The following FGF13 variants were observed in gnomAD, a reference collection of about 807,000 sequenced individuals.
FGF13 encodes the protein fibroblast growth factor 13, also known as fibroblast growth factor homologous factor 2.
FGF13 carries 2 observed loss-of-function variants against 19.5 expected under a neutral mutation model. The observed-to-expected ratio is 0.10, with a 90% CI of 0.04 to 0.32. FGF13 has a LOEUF of 0.32. FGF13 is among the 10% of genes least tolerant of loss of function. The probability of loss-of-function intolerance (pLI) is 1.00; values close to 1 mark genes in which losing one functional copy is unlikely to be tolerated. For synonymous variants in FGF13, 72 were observed against 76.9 expected (o/e 0.94, Z 0.33); for missense variants, 113 against 192.7 (o/e 0.59, Z 2.45).
chrX:138,954,379 G>A (rs2091830873), intron 1 of FGF13, among the ~76,000 whole-genome samples: 1 of 111,504 alleles, frequency 9.0e-6, no homozygotes. Flanking sequence ...AGTGATTCAA[G>A]TTGCATTTTT....
At chrX:139,016,006 T>G (rs1409750536) in intron 1 of FGF13, among the ~76,000 whole-genome samples, 1 of 111,503 alleles carries the variant, frequency 9.0e-6, no homozygotes, top group Non-Finnish European at 1.9e-5. Flanking sequence ...GATATCCATA[T>G]GCAAAAGAAT....
Position 138,708,812 on chromosome X carries a change from A to C in FGF13, c.298+6T>G. 8.7e-7 allele frequency: 1 copy of C among 1,144,434 alleles called. No homozygotes were observed. The highest frequency in any genetic ancestry group is 1.2e-6 in the Non-Finnish European group (1 of 836,924). The allele number at this position is 1,144,434 out of a possible 1,213,427, so 94.3% of individuals were successfully genotyped here. A position where few individuals can be genotyped will look rare whatever the true frequency, so the allele number is the denominator to read the frequency against. On this transcript the variant is annotated splice_donor_region_variant and intron_variant, in intron 2 of 4. Coordinates refer to ENST00000315930, the MANE Select transcript of FGF13 (RefSeq NM_004114.5). ...GGCATATACTATTTATTTTGCAGTC[A>C]CTTACTGTAAGTGCTGTCCTCATCT...
At chrX:139,038,699 T>G (rs958241313) in intron 1 of FGF13, among the ~76,000 whole-genome samples, 5 of 111,806 alleles carry the variant, frequency 4.5e-5, no homozygotes, top group African/African-American at 1.3e-4. Flanking sequence ...CGAAGTCCTC[T>G]CTTCTGATTT....
chrX:139,100,021 T>A (rs1603200195), intron 1 of FGF13, among the ~76,000 whole-genome samples: 1 of 91,468 alleles, frequency 1.1e-5, no homozygotes, highest in South Asian at 5.5e-4. Context: ...GGGTCATCCT[T>A]CCCATTACTG....
At chrX:138,856,095 A>T (rs2091256265), downstream of FGF13, among the ~76,000 whole-genome samples, 2 of 111,069 alleles carry the variant, frequency 1.8e-5, no homozygotes, top group Admixed American at 1.9e-4. Context: ...TAAAGTACAA[A>T]ATAAAGTTAG....
intron 3 of FGF13, chrX:138,667,738 C>A (rs767961295): frequency 1.1e-5 from 4 of 368,572 alleles, no homozygotes; most frequent in South Asian, 9.9e-5. Flanking sequence ...CCCTGCCCTG[C>A]ACTCCCTTCA....
rs143634455 is a variant in FGF13 at position 138,643,388 on chromosome X, C to T, written c.403-7733G>A. Among the ~76,000 whole-genome samples the T allele has an allele frequency of 4.6e-3, 517 of 112,052 alleles. 3 individuals are homozygous for T. The South Asian group carries it at 0.052, about 11-fold the overall frequency. ...AGAGGCTAAGATGGGTTATTTTTGT[C>T]GTGATACAAAAATTACATGATCCAA... On this transcript the variant is annotated intron_variant, in intron 3 of 4. Transcript: ENST00000315930.
At chrX:138,959,431 T>C (rs1180771956) in intron 1 of FGF13, among the ~76,000 whole-genome samples, 3 of 112,046 alleles carry the variant, frequency 2.7e-5, no homozygotes, top group Non-Finnish European at 3.8e-5. Flanking sequence ...GAGGAGTGCT[T>C]TACTTCTAAC....
intron 3 of FGF13, among the ~76,000 whole-genome samples, chrX:138,762,582 T>C (rs191919150): frequency 8.0e-4 from 89 of 111,536 alleles, no homozygotes; most frequent in Middle Eastern, 4.7e-3. Flanking sequence ...GGAGGAAGCA[T>C]AGTGTTAGAG....
Position 139,065,220 on chromosome X carries a change from T to C in FGF13, c.-113+138196A>G, listed in dbSNP as rs148842561. ...AAAACATACCAAACTGTAAAGATCA[T>C]TGACACTATGAAGAAACTACATCAA... On this transcript the variant is annotated intron_variant, in intron 1 of 2. Coordinates refer to the FGF13 transcript ENST00000421460. 5.8e-3 allele frequency among the ~76,000 whole-genome samples: 645 copies of C among 111,140 alleles called. 5 individuals carry two copies. Among genetic ancestry groups the C allele is most frequent in the African/African-American group, 0.02 (609 of 30,603 alleles).
chrX:139,111,687 G>A (rs778461451), intron 1 of FGF13, among the ~76,000 whole-genome samples: 1 of 111,419 alleles, frequency 9.0e-6, no homozygotes, highest in Non-Finnish European at 1.9e-5. Flanking sequence ...AAAAACACAC[G>A]CTGCTGCTTC....
At chrX:138,634,947 G>A (rs2089165953) in intron 4 of FGF13, among the ~76,000 whole-genome samples, 1 of 112,212 alleles carries the variant, frequency 8.9e-6, no homozygotes, top group Non-Finnish European at 1.9e-5. Context: ...GCACAGGTAT[G>A]TTTATAGCAG....
At chrX:139,032,249 C>T (rs146628672) in intron 1 of FGF13, among the ~76,000 whole-genome samples, 149 of 111,925 alleles carry the variant, frequency 1.3e-3, no homozygotes, top group African/African-American at 4.0e-3. Context: ...CAGATTAAAG[C>T]GGAACTTCTT....
chrX:139,011,390 G>T (rs1184870905), intron 1 of FGF13, among the ~76,000 whole-genome samples: 1 of 100,230 alleles, frequency 1.0e-5, no homozygotes, highest in Non-Finnish European at 2.0e-5. Flanking sequence ...AGAAGAAGAA[G>T]AAAACTACAG....
intron 3 of FGF13, among the ~76,000 whole-genome samples, chrX:138,702,077 G>C (rs1463555240): frequency 5.4e-5 from 6 of 111,637 alleles, no homozygotes; most frequent in Non-Finnish European, 1.1e-4. Flanking sequence ...GAGACCAGGA[G>C]TTCGAGACTA....
At chrX:138,693,856 A>C (rs2089863881) in intron 3 of FGF13, among the ~76,000 whole-genome samples, 1 of 111,628 alleles carries the variant, frequency 9.0e-6, no homozygotes, top group South Asian at 3.7e-4. Context: ...TCCTTCAATA[A>C]TTGAGTCCAT....
intron 3 of FGF13, among the ~76,000 whole-genome samples, chrX:138,837,461 C>T (rs1264403591): frequency 1.8e-5 from 2 of 111,645 alleles, no homozygotes; most frequent in Non-Finnish European, 3.8e-5. Context: ...ACCACATTTT[C>T]GTGGGTCTAC....
chrX:138,667,527 C>T (rs1197612310), intron 3 of FGF13, among the ~76,000 whole-genome samples: 2 of 110,815 alleles, frequency 1.8e-5, no homozygotes, highest in African/African-American at 6.6e-5. Context: ...CTTACTGAAC[C>T]TGACTATAAG....
intron 1 of FGF13, among the ~76,000 whole-genome samples, chrX:138,984,631 AG>A (rs2091984853): frequency 1.2e-5 from 1 of 82,918 alleles, no homozygotes; most frequent in African/African-American, 4.4e-5. Context: ...GAAGAGGAGG[AG>A]GAGGAGGAGG....
Sources: gnomAD v4.1 joint callset for allele counts (sites outside exome capture counted in the v4.1 genomes callset) on GRCh38, gnomAD v4.1.1 for gene constraint, MANE v1.5 for transcripts, NCBI Gene and HGNC (gene_info 2026-07-23, HGNC 2026-07-21) for gene names.